The following FRMPD4 variants were observed in gnomAD, a reference collection of about 807,000 sequenced individuals.
The protein encoded by FRMPD4 is FERM and PDZ domain-containing protein 4.
A neutral mutation model predicts 94.1 loss-of-function variants in FRMPD4; 22 were observed. The ratio of observed to expected loss-of-function variants is 0.23; its 90% CI spans 0.17 to 0.33. The LOEUF (loss-of-function observed/expected upper bound fraction) is 0.33, where lower values mean the gene tolerates loss of function less well. FRMPD4 is among the 10% of genes least tolerant of loss of function. The pLI is 1.00. For synonymous variants in FRMPD4, 631 were observed against 548.6 expected, an observed-to-expected ratio of 1.15 and a Z score of -2.10; for missense variants, 1,111 against 1,339.9, an observed-to-expected ratio of 0.83 and a Z score of 2.67.
chrX:12,634,822 CTCTTTTTTTTTTT>C (rs2059427698), intron 4 of FRMPD4, among the ~76,000 whole-genome samples: 1 of 87,496 alleles, frequency 1.1e-5, no homozygotes, highest in Non-Finnish European at 2.1e-5. Flanking sequence ...AAGTCCATCT[CTCTTTTTTTTTTT>C]TTTTTTTTTT....
intron 2 of FRMPD4, among the ~76,000 whole-genome samples, chrX:12,556,432 G>T (rs1376439984): frequency 9.0e-6 from 1 of 111,125 alleles, no homozygotes. Context: ...ACGGAGGGGG[G>T]TGGACTCTAA....
chrX:12,678,608 C>G, intron 5 of FRMPD4, among the ~76,000 whole-genome samples: 1 of 111,816 alleles, frequency 8.9e-6, no homozygotes, highest in East Asian at 2.8e-4. Flanking sequence ...GGCAGATCAC[C>G]TGAGGTCGGG....
chrX:12,193,039 G>A (rs2056509230), intron 1 of FRMPD4, among the ~76,000 whole-genome samples: 1 of 111,763 alleles, frequency 8.9e-6, no homozygotes, highest in East Asian at 2.8e-4. Context: ...AAAAAATAGA[G>A]TGCGCAACTT....
chrX:12,010,482 G>A (rs898385005), intron 3 of FRMPD4, among the ~76,000 whole-genome samples: 1 of 112,007 alleles, frequency 8.9e-6, no homozygotes, highest in African/African-American at 3.2e-5. Context: ...GTCAGCAAAT[G>A]TTTTCTGTGA....
chrX:12,614,475 G>A (rs773655101), intron 3 of FRMPD4, among the ~76,000 whole-genome samples: 2 of 110,754 alleles, frequency 1.8e-5, no homozygotes, highest in Non-Finnish European at 3.8e-5. Flanking sequence ...CCGCACCCCC[G>A]CATGGTAACA....
At chrX:11,986,946 T>C (rs1463834176) in intron 3 of FRMPD4, among the ~76,000 whole-genome samples, 1 of 108,336 alleles carries the variant, frequency 9.2e-6, no homozygotes, top group African/African-American at 3.4e-5. Flanking sequence ...TGGGAACCAA[T>C]GGCTTCACTG....
At position 12,355,007 on chromosome X, in the gene FRMPD4, A is replaced by G. The variant is rs73448316; in HGVS notation, c.42-143673A>G. Among the ~76,000 whole-genome samples the G allele has an allele frequency of 5.9e-3, 659 of 112,063 alleles. 1 individual carries two copies. The highest frequency in any genetic ancestry group is 0.017 in the African/African-American group (512 of 30,859). On this transcript the variant is annotated intron_variant, in intron 1 of 16. Coordinates refer to ENST00000675598, the MANE Select transcript of FRMPD4 (RefSeq NM_001368397.1). Reference sequence around the variant, plus strand: ...GTTTTTCCTTGATTTAATCTACATAAATGAAAAAGCCATTTGGAAAACTTA... The same window carrying G: ...GTTTTTCCTTGATTTAATCTACATAGATGAAAAAGCCATTTGGAAAACTTA...
rs1185446566 is a variant in FRMPD4 at position 11,952,047 on chromosome X, A to C, written c.95+74029A>C. On this transcript the variant is annotated intron_variant, in intron 3 of 18. Transcript: ENST00000640291. The stretch of plus-strand genomic sequence containing the variant: ...CGAGACCCTGTTTCAAAAATAAATA[A>C]ATACATACGTACATGCATACATACT... Among the ~76,000 whole-genome samples, 3 of 112,258 alleles carry C rather than the reference A, an allele frequency of 2.7e-5. No homozygotes were observed. The Admixed American group carries it at 2.8e-4, about 11-fold the overall frequency.
intron 3 of FRMPD4, among the ~76,000 whole-genome samples, chrX:11,886,261 A>G (rs1241804525): frequency 8.9e-6 from 1 of 112,138 alleles, no homozygotes; most frequent in African/African-American, 3.2e-5. Context: ...GTTTTTGAAG[A>G]TTTTTAAGGT....
chrX:11,869,704 T>C (rs934836070), intron 2 of FRMPD4, among the ~76,000 whole-genome samples: 3 of 111,780 alleles, frequency 2.7e-5, no homozygotes, highest in Non-Finnish European at 5.6e-5. Flanking sequence ...GATAAGAAAA[T>C]TGTTTGTCAA....
chrX:12,108,750 C>CA (rs1169888059), intron 3 of FRMPD4, among the ~76,000 whole-genome samples: 1 of 110,621 alleles, frequency 9.0e-6, no homozygotes, highest in African/African-American at 3.3e-5. Flanking sequence ...ATATGGAAAA[C>CA]AAAAAAAGAC....
At chrX:12,290,910 A>G (rs1430687919) in intron 1 of FRMPD4, among the ~76,000 whole-genome samples, 1 of 111,146 alleles carries the variant, frequency 9.0e-6, no homozygotes, top group Non-Finnish European at 1.9e-5. Flanking sequence ...GACTGCTTAC[A>G]TTGTTATGGC....
At chrX:12,362,709 G>A (rs2056012795) in intron 1 of FRMPD4, among the ~76,000 whole-genome samples, 1 of 111,543 alleles carries the variant, frequency 9.0e-6, no homozygotes, top group South Asian at 3.8e-4. Context: ...ATAATCCTTT[G>A]GGTATATACC....
chrX:12,547,072 G>T (rs776357041), intron 2 of FRMPD4, among the ~76,000 whole-genome samples: 32 of 103,564 alleles, frequency 3.1e-4, no homozygotes, highest in African/African-American at 1.1e-3. Context: ...TGACATATAT[G>T]GCTGTTATGG....
Position 12,116,765 on chromosome X carries a change from T to C in FRMPD4, c.95+238747T>C, listed in dbSNP as rs2055412818. ...CCTCACTGATGCCATGAGCACCTGA[T>C]ATTCTTAAGACCCTTCTCTGACATA... On this transcript the variant is annotated intron_variant, in intron 3 of 18. Transcript: ENST00000640291. 3.6e-5 allele frequency among the ~76,000 whole-genome samples: 4 copies of C among 112,050 alleles called. No individual in the cohort carries two copies. The Admixed American group carries it at 3.8e-4, about 11-fold the overall frequency.
At chrX:12,315,599 G>T (rs904166944) in intron 1 of FRMPD4, among the ~76,000 whole-genome samples, 5 of 111,922 alleles carry the variant, frequency 4.5e-5, no homozygotes, top group African/African-American at 9.8e-5. Flanking sequence ...AAAATATGCA[G>T]ATTTTCAAGG....
intron 1 of FRMPD4, among the ~76,000 whole-genome samples, chrX:12,283,870 G>A (rs1336860802): frequency 1.8e-5 from 2 of 111,498 alleles, no homozygotes; most frequent in African/African-American, 6.5e-5. Context: ...ATCTCTTGAA[G>A]TTCATTATAG....
intron 3 of FRMPD4, among the ~76,000 whole-genome samples, chrX:12,121,360 A>T (rs894904048): frequency 8.0e-5 from 9 of 111,864 alleles, no homozygotes; most frequent in Admixed American, 6.7e-4. Context: ...TGTGTGTAAT[A>T]GATTTATTGT....
chrX:12,555,328 CCTG>C (rs1197514547), intron 2 of FRMPD4, among the ~76,000 whole-genome samples: 1 of 111,219 alleles, frequency 9.0e-6, no homozygotes, highest in Non-Finnish European at 1.9e-5. Context: ...TTGTTTTTCT[CCTG>C]CTTTTTTGTT....
Sources: gnomAD v4.1 joint callset for allele counts (sites outside exome capture counted in the v4.1 genomes callset) on GRCh38, gnomAD v4.1.1 for gene constraint, MANE v1.5 for transcripts, NCBI Gene and HGNC (gene_info 2026-07-23, HGNC 2026-07-21) for gene names.